XPO7: variants seen among roughly 807,000 people sequenced by gnomAD.
XPO7 encodes exportin-7.
Under a neutral mutation model 144.3 loss-of-function variants are expected in XPO7, and 21 were observed. That is an observed-to-expected ratio of 0.15 (90% CI 0.10 to 0.21). The LOEUF is 0.21. Ranked by LOEUF, XPO7 falls within the 10% of genes least tolerant of loss-of-function variation. The probability of loss-of-function intolerance (pLI) is 1.00; values close to 1 mark genes in which losing one functional copy is unlikely to be tolerated. For missense variants in XPO7, 808 were observed against 1,325.8 expected, an observed-to-expected ratio of 0.61 and a Z score of 6.06; for synonymous variants, 580 against 499.6, an observed-to-expected ratio of 1.16 and a Z score of -2.15.
At position 22,005,995 on chromosome 8, in the gene XPO7, C is replaced by T. The variant is rs537325732; in HGVS notation, c.*907C>T. The stretch of plus-strand genomic sequence containing the variant: ...GAGAAGGAAGTGAGCCCACTGCTCT[C>T]CTGGGAGCAATGTGGGTGAGTCCAC... On this transcript the variant is annotated 3_prime_UTR_variant, in exon 28 of 28. Coordinates refer to ENST00000252512, the MANE Select transcript of XPO7 (RefSeq NM_015024.5). 2.3e-4 allele frequency: 35 copies of T among 152,334 alleles called. No individual in the cohort carries two copies. The highest frequency in any genetic ancestry group is 7.9e-4 in the African/African-American group (33 of 41,552). 9.4% of individuals were successfully genotyped at this position (152,334 alleles called of 1,614,324 possible).
At chr8:21,982,972 A>T (rs1340834274) in intron 11 of XPO7, among the ~76,000 whole-genome samples, 160 bp downstream of exon 11, 1 of 152,264 alleles carries the variant, frequency 6.6e-6, no homozygotes, top group Admixed American at 6.5e-5. Context: ...GCATGAGAGC[A>T]TAAAGCCTGA....
intron 1 of XPO7, among the ~76,000 whole-genome samples, chr8:21,950,954 T>C (rs1215265308): frequency 6.6e-6 from 1 of 151,178 alleles, no homozygotes; most frequent in Non-Finnish European, 1.5e-5. Context: ...AAACCTCGAC[T>C]CTACAAAAAA....
Position 21,974,686 on chromosome 8 carries a change from C to A in XPO7, c.509C>A (p.Pro170His). 1 of 1,591,232 alleles carries A rather than the reference C, an allele frequency of 6.3e-7. No homozygotes were observed. The highest frequency in any genetic ancestry group is 8.6e-7 in the Non-Finnish European group (1 of 1,168,268). Residue 170 changes from proline to histidine, a missense_variant, in exon 6 of 28, where the codon CCT becomes CAT. Coordinates refer to ENST00000252512, the MANE Select transcript of XPO7 (RefSeq NM_015024.5). ...TCTGCACAGGCAGACACCACCCATC[C>A]TTTAACCAAGCACAGAAAAATAGCC... is the stretch of plus-strand genomic sequence containing the variant. ...NEINQADTTH[P>H]LTKHRKIASS...
chr8:21,937,474 C>T (rs533567500), intron 1 of XPO7, among the ~76,000 whole-genome samples: 1 of 152,236 alleles, frequency 6.6e-6, no homozygotes, highest in South Asian at 2.1e-4. Flanking sequence ...TGTACTTTTC[C>T]GACTGTGCTT....
Position 21,998,801 on chromosome 8 carries a change from C to G in XPO7, c.2392C>G (p.Leu798Val). ...TGTCTCTTCCCCCAATGGCATCTTACTCTTCCGAGAAACCAGCAAGATGAT... is the reference window on the plus strand; with the variant it reads ...TGTCTCTTCCCCCAATGGCATCTTAGTCTTCCGAGAAACCAGCAAGATGAT... ...FDVSSPNGILLFRETSKMITM... is the reference protein window; with the variant it reads ...FDVSSPNGILVFRETSKMITM... Residue 798 changes from leucine (L) to valine (V), a missense_variant, in exon 22 of 28, where the codon CTC (leucine) becomes GTC (valine). This residue lies in a region of XPO7 where 416 missense variants were observed against 612.5 expected (regional missense o/e 0.68). Coordinates refer to ENST00000252512, the MANE Select transcript of XPO7 (RefSeq NM_015024.5). 1 of 1,614,028 alleles carries G rather than the reference C, an allele frequency of 6.2e-7. No individual in the cohort carries two copies. Among genetic ancestry groups the G allele is most frequent in the Non-Finnish European group, 8.5e-7 (1 of 1,179,892 alleles).
intron 2 of XPO7, among the ~76,000 whole-genome samples, chr8:21,967,926 G>A (rs1025198841): frequency 1.3e-5 from 2 of 152,230 alleles, no homozygotes; most frequent in Non-Finnish European, 2.9e-5. Context: ...TCCCATGAAA[G>A]GGCATCATGA....
At chr8:21,938,474 T>A (rs1810889332) in intron 1 of XPO7, among the ~76,000 whole-genome samples, 1 of 152,196 alleles carries the variant, frequency 6.6e-6, no homozygotes, top group Non-Finnish European at 1.5e-5. Context: ...TCAGGACTGC[T>A]GGTATGCCAT....
At chr8:21,995,439 A>T in intron 20 of XPO7, 53 bp from the exon 21 acceptor site, 1 of 1,497,072 alleles carries the variant, frequency 6.7e-7, no homozygotes, top group Non-Finnish European at 9.1e-7. Context: ...AAACTATTTT[A>T]AATTCTGTAC....
chr8:21,998,895 G>T, intron 22 of XPO7, 58 bp downstream of exon 22: 1 of 1,579,810 alleles, frequency 6.3e-7, no homozygotes, highest in Admixed American at 1.7e-5. Context: ...TCACCACACT[G>T]TAAGCAGCAT....
At chr8:21,944,204 T>C (rs1811083330) in intron 1 of XPO7, among the ~76,000 whole-genome samples, 1 of 152,178 alleles carries the variant, frequency 6.6e-6, no homozygotes, top group South Asian at 2.1e-4. Context: ...TATCAGTAAC[T>C]TAGGTAAGGA....
At chr8:21,922,405 C>T (rs577525634) in intron 1 of XPO7, among the ~76,000 whole-genome samples, 4 of 152,188 alleles carry the variant, frequency 2.6e-5, no homozygotes, top group Admixed American at 6.5e-5. Context: ...AGCAGCTCCT[C>T]GATGTGATGG....
intron 7 of XPO7, among the ~76,000 whole-genome samples, chr8:21,977,413 T>C (rs1282879980): frequency 6.6e-6 from 1 of 152,158 alleles, no homozygotes; most frequent in African/African-American, 2.4e-5. Flanking sequence ...ACCCCGTCTC[T>C]ACTAAAAATA....
chr8:21,946,210 A>G (rs983723695), intron 1 of XPO7, among the ~76,000 whole-genome samples: 2 of 152,238 alleles, frequency 1.3e-5, no homozygotes, highest in Non-Finnish European at 2.9e-5. Context: ...CCACGCTCAC[A>G]CTTCGGATAC....
At chr8:21,950,289 C>G (rs1261363820) in intron 1 of XPO7, among the ~76,000 whole-genome samples, 1 of 152,210 alleles carries the variant, frequency 6.6e-6, no homozygotes, top group Non-Finnish European at 1.5e-5. Context: ...CATTTTTAAT[C>G]TCACTTGTTT....
chr8:21,930,743 T>C (rs921567099), intron 1 of XPO7, among the ~76,000 whole-genome samples: 1 of 152,206 alleles, frequency 6.6e-6, no homozygotes, highest in Non-Finnish European at 1.5e-5. Context: ...ACTGAATAAT[T>C]ACTGCAACAA....
intron 7 of XPO7, 21 bp downstream of exon 7, chr8:21,976,542 T>A: frequency 6.2e-7 from 1 of 1,601,296 alleles, no homozygotes; most frequent in South Asian, 1.1e-5. Context: ...TTCCTCCACC[T>A]CAAAGGCTGT....
At chr8:21,920,468 C>T (rs1448237302) in intron 1 of XPO7, among the ~76,000 whole-genome samples, 30 of 152,104 alleles carry the variant, frequency 2.0e-4, no homozygotes, top group Admixed American at 1.9e-3. Flanking sequence ...AGCGCCCACA[C>T]CTCCTATGAA....
At chr8:21,961,767 A>T (rs1811732517) in intron 1 of XPO7, among the ~76,000 whole-genome samples, 1 of 151,992 alleles carries the variant, frequency 6.6e-6, no homozygotes, top group African/African-American at 2.4e-5. Flanking sequence ...GGTTCAAGAG[A>T]TTCTCCGGCC....
At chr8:21,962,682 A>G (rs1252019146) in intron 1 of XPO7, among the ~76,000 whole-genome samples, 6 of 152,232 alleles carry the variant, frequency 3.9e-5, no homozygotes, top group South Asian at 2.1e-4. Context: ...CCCAGAGACA[A>G]TTAAGTTTGG....
Sources: gnomAD v4.1 joint callset for allele counts (sites outside exome capture counted in the v4.1 genomes callset) on GRCh38, gnomAD v4.1.1 for gene constraint, gnomAD v4.1.1 regional missense constraint, MANE v1.5 for transcripts, NCBI Gene and HGNC (gene_info 2026-07-23, HGNC 2026-07-21) for gene names.